Variants in MACROD2 observed in about 807,000 individuals in gnomAD.
MACROD2 encodes ADP-ribose glycohydrolase MACROD2.
In MACROD2, 36 loss-of-function variants were observed where a neutral mutation model predicts 70.4. The ratio of observed to expected loss-of-function variants is 0.51; its 90% CI spans 0.39 to 0.68. MACROD2 has a LOEUF of 0.68. Ranked by LOEUF, MACROD2 falls within the 30% of genes least tolerant of loss-of-function variation. The pLI is 0.00. For missense variants in MACROD2, 496 were observed against 538.4 expected (o/e 0.92, Z 0.78); for synonymous variants, 172 against 178.8 (o/e 0.96, Z 0.30).
intron 2 of MACROD2, among the ~76,000 whole-genome samples, chr20:14,017,731 G>A (rs1429099410): frequency 6.6e-6 from 1 of 151,942 alleles, no homozygotes; most frequent in Non-Finnish European, 1.5e-5. Flanking sequence ...TTTTTTCATT[G>A]TGATTCATAA....
At chr20:15,876,265 G>A (rs957594595) in intron 9 of MACROD2, among the ~76,000 whole-genome samples, 9 of 151,510 alleles carry the variant, frequency 5.9e-5, no homozygotes, top group Admixed American at 5.9e-4. Context: ...CCTTCCCCCT[G>A]CCTCCCACCC....
intron 8 of MACROD2, among the ~76,000 whole-genome samples, chr20:15,712,236 C>A (rs1359319433): frequency 6.6e-6 from 1 of 152,216 alleles, no homozygotes; most frequent in Non-Finnish European, 1.5e-5. Context: ...TGTACTGCGT[C>A]TTTCTCAACT....
intron 5 of MACROD2, among the ~76,000 whole-genome samples, chr20:15,166,275 G>T (rs945935852): frequency 2.6e-5 from 4 of 152,150 alleles, no homozygotes; most frequent in African/African-American, 9.7e-5. Context: ...ATGGTATTAG[G>T]AATTAAAGCC....
chr20:14,165,323 G>T (rs191877046), intron 3 of MACROD2, among the ~76,000 whole-genome samples: 127 of 152,210 alleles, frequency 8.3e-4, no homozygotes, highest in African/African-American at 2.8e-3. Flanking sequence ...GTGGACTGCT[G>T]GGGGATCTCT....
intron 5 of MACROD2, among the ~76,000 whole-genome samples, chr20:14,959,925 A>G (rs1273110121): frequency 3.3e-5 from 5 of 152,162 alleles, no homozygotes; most frequent in Admixed American, 3.3e-4. Context: ...AGATCAGTCT[A>G]GACACTTGTC....
chr20:14,731,663 C>T (rs1053012829), intron 5 of MACROD2, among the ~76,000 whole-genome samples: 6 of 151,972 alleles, frequency 3.9e-5, no homozygotes, highest in South Asian at 2.1e-4. Context: ...GGAGGTCCCC[C>T]GGGCCCTTTC....
chr20:14,907,980 A>C (rs544146292), intron 5 of MACROD2, among the ~76,000 whole-genome samples: 1 of 152,190 alleles, frequency 6.6e-6, no homozygotes, highest in Non-Finnish European at 1.5e-5. Flanking sequence ...TTGGAACCCA[A>C]GTTTCAAACC....
At chr20:15,282,904 A>G (rs929950972) in intron 6 of MACROD2, among the ~76,000 whole-genome samples, 1 of 152,202 alleles carries the variant, frequency 6.6e-6, no homozygotes, top group African/African-American at 2.4e-5. Context: ...TGGGTAATTT[A>G]TAAAGGAAAG....
intron 5 of MACROD2, among the ~76,000 whole-genome samples, chr20:15,141,182 A>T (rs1027008790): frequency 6.7e-6 from 1 of 149,420 alleles, no homozygotes; most frequent in Admixed American, 6.6e-5. Flanking sequence ...TTACATGCAT[A>T]CAGGCACTAG....
intron 5 of MACROD2, among the ~76,000 whole-genome samples, chr20:14,823,049 A>G (rs1303134238): frequency 6.6e-6 from 1 of 152,092 alleles, no homozygotes; most frequent in Non-Finnish European, 1.5e-5. Flanking sequence ...AGTGATGACT[A>G]GTTTCTCTGT....
chr20:16,009,336 C>A (rs2066830871), intron 15 of MACROD2, among the ~76,000 whole-genome samples: 1 of 152,168 alleles, frequency 6.6e-6, no homozygotes, highest in Non-Finnish European at 1.5e-5. Context: ...GAAACAGCTA[C>A]CCCTACCCCT....
Position 15,223,379 on chromosome 20 carries a change from C to G in MACROD2, c.419-6561C>G, listed in dbSNP as rs111667283. ...GGGAAATAACATCACTTTCACCACT[C>G]ATAGGAAGTTATGATGCTAATTCTG... On this transcript the variant is annotated intron_variant, in intron 5 of 17. Coordinates refer to ENST00000684519, the MANE Select transcript of MACROD2 (RefSeq NM_001351661.2). Among the ~76,000 whole-genome samples the G allele has an allele frequency of 2.8e-3, 425 of 152,302 alleles. 1 individual carries two copies. The highest frequency in any genetic ancestry group is 0.014 in the Middle Eastern group (4 of 294).
In MACROD2 at chr20:15,946,978, C is replaced by T. The variant is rs529760439; in HGVS notation, c.907+9434C>T. ...ATAAGTTTAAGGGAAGGTACTATGC[C>T]TGGATGTGCACATAGGCCAGATTTA... On this transcript the variant is annotated intron_variant, in intron 12 of 17. Coordinates refer to ENST00000684519, the MANE Select transcript of MACROD2 (RefSeq NM_001351661.2). Among the ~76,000 whole-genome samples the T allele has an allele frequency of 1.6e-4, 25 of 152,244 alleles. No individual in the cohort carries two copies. In the South Asian group the frequency reaches 5.0e-3, roughly 30 times the overall value.
intron 8 of MACROD2, among the ~76,000 whole-genome samples, chr20:15,561,663 G>C (rs1600592669): frequency 6.6e-6 from 1 of 152,106 alleles, no homozygotes; most frequent in East Asian, 1.9e-4. Context: ...AAAATGGTTA[G>C]GGTAGATTTT....
At position 14,939,658 on chromosome 20, in the gene MACROD2, A is replaced by G. The variant is rs761687554; in HGVS notation, c.418+254699A>G. 1.4e-4 allele frequency among the ~76,000 whole-genome samples: 22 copies of G among 152,116 alleles called. 1 individual carries two copies. Among genetic ancestry groups the G allele is most frequent in the Non-Finnish European group, 2.1e-4 (14 of 68,008 alleles). ...TGGTATTTTGATAGGGATTGCATTG[A>G]ATCTGTAAAATTGCTTTGGATAATA... On this transcript the variant is annotated intron_variant, in intron 5 of 17. Coordinates refer to ENST00000684519, the MANE Select transcript of MACROD2 (RefSeq NM_001351661.2).
In MACROD2 at chr20:15,164,556, A is replaced by G. The variant is rs1385322714; in HGVS notation, c.419-65384A>G. 2.0e-5 allele frequency among the ~76,000 whole-genome samples: 3 copies of G among 152,282 alleles called. No homozygotes were observed. In the East Asian group the frequency reaches 5.8e-4, roughly 29 times the overall value. On this transcript the variant is annotated intron_variant, in intron 5 of 17. Coordinates refer to ENST00000684519, the MANE Select transcript of MACROD2 (RefSeq NM_001351661.2). Reference sequence around the variant, plus strand: ...GTGTATGTTTAATTTTACATGCTATATTAGAAAAAATAAAGATTGAATATT... The same window carrying G: ...GTGTATGTTTAATTTTACATGCTATGTTAGAAAAAATAAAGATTGAATATT...
At chr20:14,997,291 T>G (rs548987862) in intron 5 of MACROD2, among the ~76,000 whole-genome samples, 1 of 151,690 alleles carries the variant, frequency 6.6e-6, no homozygotes, top group South Asian at 2.1e-4. Context: ...ATGACACTTC[T>G]AGATCTACCC....
At position 14,901,224 on chromosome 20, in the gene MACROD2, T is replaced by C. The variant is rs186140156; in HGVS notation, c.418+216265T>C. 8.9e-4 allele frequency among the ~76,000 whole-genome samples: 136 copies of C among 152,074 alleles called. 1 individual carries two copies. Among genetic ancestry groups the C allele is most frequent in the African/African-American group, 2.9e-3 (122 of 41,558 alleles). Reference sequence around the variant, plus strand: ...CTATTGCAGCTTTAAAAATACTTATTATAGTACTTAGCATTAGACAAATTG... The same window carrying C: ...CTATTGCAGCTTTAAAAATACTTATCATAGTACTTAGCATTAGACAAATTG... On this transcript the variant is annotated intron_variant, in intron 5 of 17. Transcript: ENST00000684519.
chr20:15,326,649 C>T (rs1399841936), intron 6 of MACROD2, among the ~76,000 whole-genome samples: 1 of 152,072 alleles, frequency 6.6e-6, no homozygotes, highest in African/African-American at 2.4e-5. Context: ...GAATATTGTA[C>T]TCACATTTGG....
Sources: gnomAD v4.1 joint callset for allele counts (sites outside exome capture counted in the v4.1 genomes callset) on GRCh38, gnomAD v4.1.1 for gene constraint, MANE v1.5 for transcripts, NCBI Gene and HGNC (gene_info 2026-07-23, HGNC 2026-07-21) for gene names.